GRM7: variants seen among roughly 807,000 people sequenced by gnomAD.
GRM7 encodes the protein metabotropic glutamate receptor 7.
GRM7 carries 35 observed loss-of-function variants against 84.5 expected under a neutral mutation model. That is an observed-to-expected ratio of 0.41 (90% confidence interval 0.32 to 0.55). The LOEUF (loss-of-function observed/expected upper bound fraction) is 0.55, where lower values mean the gene tolerates loss of function less well. Among genes scored for constraint, GRM7 ranks in the 20% least tolerant of loss-of-function variants. GRM7 has a pLI of 0.19. For synonymous variants in GRM7, 487 were observed against 455.1 expected (o/e 1.07, Z -0.89); for missense variants, 1,003 against 1,194.6 (o/e 0.84, Z 2.36).
chr3:7,272,751 G>C (rs1362730677), intron 2 of GRM7, among the ~76,000 whole-genome samples: 1 of 150,958 alleles, frequency 6.6e-6, no homozygotes, highest in African/African-American at 2.4e-5. Flanking sequence ...TTTTTTCTTA[G>C]TCAGTTAGAG....
intron 1 of GRM7, among the ~76,000 whole-genome samples, chr3:6,906,540 C>T (rs1417972596): frequency 6.6e-6 from 1 of 152,006 alleles, no homozygotes; most frequent in African/African-American, 2.4e-5. Flanking sequence ...TTCTCTCTTT[C>T]CAGACTGGGG....
chr3:6,974,927 A>G (rs961458054), intron 1 of GRM7, among the ~76,000 whole-genome samples: 5 of 152,162 alleles, frequency 3.3e-5, no homozygotes, highest in African/African-American at 1.2e-4. Flanking sequence ...TTGGGGGCAT[A>G]TTGGGAAATA....
intron 2 of GRM7, among the ~76,000 whole-genome samples, chr3:7,275,872 G>A (rs1699033990): frequency 6.6e-6 from 1 of 152,078 alleles, no homozygotes; most frequent in Admixed American, 6.6e-5. Flanking sequence ...AGGCCCCCCT[G>A]AGTGTCTGTC....
chr3:6,974,620 C>T (rs1693915424), intron 1 of GRM7, among the ~76,000 whole-genome samples: 1 of 152,068 alleles, frequency 6.6e-6, no homozygotes, highest in Non-Finnish European at 1.5e-5. Flanking sequence ...AGTCCAGGTG[C>T]ATGAGATGTT....
chr3:6,955,207 T>C (rs1022608155), intron 1 of GRM7, among the ~76,000 whole-genome samples: 2 of 152,006 alleles, frequency 1.3e-5, no homozygotes, highest in Non-Finnish European at 2.9e-5. Flanking sequence ...TAAACAATTA[T>C]AAAGAATAAT....
Position 7,221,956 on chromosome 3 carries a change from G to A in GRM7, c.736+75288G>A, listed in dbSNP as rs149748055. Among the ~76,000 whole-genome samples, 509 of 151,640 alleles carry A rather than the reference G, an allele frequency of 3.4e-3. 3 individuals carry two copies. The highest frequency in any genetic ancestry group is 0.012 in the African/African-American group (476 of 41,378). ...CAAGTAGCTGGGATTATAGGCACCCGCTACCACACCTGGCTAATCTTTTTG... is the reference window on the plus strand; with the variant it reads ...CAAGTAGCTGGGATTATAGGCACCCACTACCACACCTGGCTAATCTTTTTG... On this transcript the variant is annotated intron_variant, in intron 2 of 9. Coordinates refer to ENST00000357716, the MANE Select transcript of GRM7 (RefSeq NM_000844.4).
At chr3:7,192,829 A>T (rs1449375452) in intron 2 of GRM7, among the ~76,000 whole-genome samples, 2 of 152,060 alleles carry the variant, frequency 1.3e-5, no homozygotes, top group African/African-American at 2.4e-5. Flanking sequence ...TTCACTTTTC[A>T]ATCCAATGTA....
intron 1 of GRM7, among the ~76,000 whole-genome samples, chr3:6,978,678 A>G (rs1348115446): frequency 1.3e-5 from 2 of 152,154 alleles, no homozygotes; most frequent in African/African-American, 4.8e-5. Context: ...ATGATGACTT[A>G]TCTACATTAT....
At position 7,188,157 on chromosome 3, in the gene GRM7, G is replaced by A. The variant is rs1370428298; in HGVS notation, c.736+41489G>A. On this transcript the variant is annotated intron_variant, in intron 2 of 9. Transcript: ENST00000357716. The surrounding 1 kb of genome is among the most constrained non-coding windows in gnomAD (Gnocchi z 4.2). Reference sequence around the variant, plus strand: ...AGAGAAGGGCTATGACGTGAGAAAGGGACCTGTCGGAAGTGAGGAATGAAG... The same window carrying A: ...AGAGAAGGGCTATGACGTGAGAAAGAGACCTGTCGGAAGTGAGGAATGAAG... 6.6e-6 allele frequency among the ~76,000 whole-genome samples: 1 copy of A among 152,036 alleles called. No homozygotes were observed. Among genetic ancestry groups the A allele is most frequent in the African/African-American group, 2.4e-5 (1 of 41,378 alleles).
At chr3:7,286,982 G>A (rs1272801327) in intron 2 of GRM7, among the ~76,000 whole-genome samples, 4 of 152,104 alleles carry the variant, frequency 2.6e-5, no homozygotes, top group South Asian at 4.1e-4. Flanking sequence ...GGCTTTATCA[G>A]GCACAGTTTG....
At chr3:7,100,467 G>T (rs1452334693) in intron 1 of GRM7, among the ~76,000 whole-genome samples, 1 of 151,664 alleles carries the variant, frequency 6.6e-6, no homozygotes. Flanking sequence ...ACAAAAATTG[G>T]ATAGTTTTTC....
At chr3:7,180,276 G>C (rs750946230) in intron 2 of GRM7, among the ~76,000 whole-genome samples, 8 of 152,126 alleles carry the variant, frequency 5.3e-5, no homozygotes, top group Non-Finnish European at 1.2e-4. Flanking sequence ...ATTTTGGCCA[G>C]GATTGATATT....
intron 1 of GRM7, among the ~76,000 whole-genome samples, chr3:6,907,179 A>G (rs541399142): frequency 6.6e-6 from 1 of 152,322 alleles, no homozygotes; most frequent in African/African-American, 2.4e-5. Context: ...TGCTAGAAAT[A>G]CAGGCATGAG....
intron 9 of GRM7, among the ~76,000 whole-genome samples, chr3:7,706,119 C>G (rs1211410697): frequency 6.6e-6 from 1 of 152,184 alleles, no homozygotes; most frequent in Non-Finnish European, 1.5e-5. Context: ...ACTTGAACTT[C>G]AGAGCTTACC....
chr3:7,649,321 G>T (rs978984084), intron 8 of GRM7, among the ~76,000 whole-genome samples: 5 of 151,952 alleles, frequency 3.3e-5, no homozygotes, highest in Non-Finnish European at 5.9e-5. Flanking sequence ...CTCCTGCCTC[G>T]GCCTCCCAAA....
chr3:7,533,063 C>T (rs949819989), intron 7 of GRM7, among the ~76,000 whole-genome samples: 1 of 152,070 alleles, frequency 6.6e-6, no homozygotes, highest in Admixed American at 6.6e-5. Flanking sequence ...TTTAACACCC[C>T]ACTGTCAATA....
At position 7,369,144 on chromosome 3, in the gene GRM7, T is replaced by C. The variant is rs185510885; in HGVS notation, c.1034-45879T>C. 3.9e-4 allele frequency among the ~76,000 whole-genome samples: 59 copies of C among 152,232 alleles called. 1 individual carries two copies. The South Asian group carries it at 9.3e-3, about 24-fold the overall frequency. On this transcript the variant is annotated intron_variant, in intron 4 of 9. Coordinates refer to ENST00000357716, the MANE Select transcript of GRM7 (RefSeq NM_000844.4). The stretch of plus-strand genomic sequence containing the variant: ...ATCATAGTTCACTACAGCTTTGAAC[T>C]CCTGGGCTCAAGTGATCCTCCTGAC...
At position 7,279,449 on chromosome 3, in the gene GRM7, A is replaced by G. The variant is rs149591869; in HGVS notation, c.737-19235A>G. Among the ~76,000 whole-genome samples the G allele has an allele frequency of 2.4e-4, 37 of 152,220 alleles. No individual in the cohort carries two copies. The East Asian group carries it at 6.8e-3, about 28-fold the overall frequency. ...AAGACTGGACATTTGACCAAACCAT[A>G]TGGAGCAGATGAGAACCTGAGCCAG... On this transcript the variant is annotated intron_variant, in intron 2 of 9. Coordinates refer to ENST00000357716, the MANE Select transcript of GRM7 (RefSeq NM_000844.4).
chr3:7,129,802 A>G (rs183389900), intron 1 of GRM7, among the ~76,000 whole-genome samples: 2 of 152,308 alleles, frequency 1.3e-5, no homozygotes, highest in South Asian at 2.1e-4. Flanking sequence ...TCAACTTACT[A>G]TGTGAGAAAG....
Sources: allele counts gnomAD v4.1 joint callset (sites outside exome capture counted in the v4.1 genomes callset), GRCh38; gene constraint gnomAD v4.1.1; non-coding constraint Gnocchi (gnomAD v3.1); transcripts MANE v1.5; gene names NCBI Gene and HGNC (gene_info 2026-07-23, HGNC 2026-07-21).